The following OXTR variants were observed in gnomAD, a reference collection of about 807,000 sequenced individuals.
OXTR encodes oxytocin receptor.
Under a neutral mutation model 23.9 loss-of-function variants are expected in OXTR, and 19 were observed. The ratio of observed to expected loss-of-function variants is 0.80; its 90% CI spans 0.56 to 1.17. OXTR has a LOEUF of 1.17. OXTR is among the 50% of genes most tolerant of loss of function. OXTR has a pLI of 0.00. For missense variants in OXTR, 500 were observed against 550.7 expected (o/e 0.91, Z 0.92); for synonymous variants, 278 against 250.5 (o/e 1.11, Z -1.04).
At chr3:8,767,221 C>G in intron 3 of OXTR, 45 bp downstream of exon 3, 3 of 1,503,374 alleles carry the variant, frequency 2.0e-6, no homozygotes, top group South Asian at 2.7e-5. Context: ...AGGGCCTCCC[C>G]CAGCCACCAG....
In OXTR at chr3:8,767,633, G is replaced by C. The variant is rs1277824401; in HGVS notation, c.555C>G (p.Phe185Leu). ...FSLREVADGV[F>L]DCWAVFIQPW... ...GCTGGATGAAGACGGCCCAGCAGTC[G>C]AAGACGCCGTCAGCCACCTCGCGCA... The change falls in exon 3 of 4, where the codon TTC becomes TTG. Residue 185 changes from phenylalanine (F) to leucine (L), a missense_variant. Phe to Leu is a conservative substitution (Grantham distance 22). Coordinates refer to ENST00000316793, the MANE Select transcript of OXTR (RefSeq NM_000916.4). The C allele has an allele frequency of 6.2e-7, 1 of 1,613,036 alleles. No homozygotes were observed. Among genetic ancestry groups the C allele is most frequent in the South Asian group, 1.1e-5 (1 of 91,054 alleles).
Position 8,767,407 on chromosome 3 carries a change from T to C in OXTR, c.781A>G (p.Ser261Gly). 2 of 1,611,526 alleles carry C rather than the reference T, an allele frequency of 1.2e-6. No individual in the cohort carries two copies. The highest frequency in any genetic ancestry group is 1.7e-6 in the Non-Finnish European group (2 of 1,179,090). Reference sequence around the variant, plus strand: ...GCCTTGGAGATGAGCTTGACGCTGCTGACACGCGCCAGGGCCACGCGCCCC... The same window carrying C: ...GCCTTGGAGATGAGCTTGACGCTGCCGACACGCGCCAGGGCCACGCGCCCC... Reference protein sequence around the residue: ...DGGRVALARVSSVKLISKAKI... With the variant: ...DGGRVALARVGSVKLISKAKI... The change falls in exon 3 of 4, where the codon AGC becomes GGC. Residue 261 changes from serine (S) to glycine (G), a missense_variant. Transcript: ENST00000316793.
chr3:8,763,643 T>C (rs377544276), intron 3 of OXTR, among the ~76,000 whole-genome samples: 1 of 152,206 alleles, frequency 6.6e-6, no homozygotes, highest in African/African-American at 2.4e-5. Flanking sequence ...CTGAAAGATA[T>C]ATAAAGGGCT....
rs560215793 is a variant in OXTR, at chr3:8,753,797, C to T, written c.923-573G>A. Among the ~76,000 whole-genome samples, 6 of 138,966 alleles carry T rather than the reference C, an allele frequency of 4.3e-5. No individual in the cohort carries two copies. The East Asian group carries it at 6.0e-4, about 14-fold the overall frequency. 91.2% of individuals were successfully genotyped at this position (138,966 alleles called of 152,430 possible). A position where few individuals can be genotyped will look rare whatever the true frequency, so the allele number is the denominator to read the frequency against. On this transcript the variant is annotated intron_variant, in intron 3 of 3. Coordinates refer to ENST00000316793, the MANE Select transcript of OXTR (RefSeq NM_000916.4). Reference sequence around the variant, plus strand: ...GCCCAATAAATGATGGCTGCTATCACGACCATGTGCCGGGCAAATCAAATA... The same window carrying T: ...GCCCAATAAATGATGGCTGCTATCATGACCATGTGCCGGGCAAATCAAATA...
At chr3:8,746,587 G>T (rs1708168588), downstream of OXTR, 1 of 152,102 alleles carries the variant, frequency 6.6e-6, no homozygotes, top group African/African-American at 2.4e-5. Flanking sequence ...ACTGAGGGAA[G>T]GGCCTGGGTT....
intron 3 of OXTR, among the ~76,000 whole-genome samples, chr3:8,758,792 G>T (rs1708429855): frequency 6.6e-6 from 1 of 152,140 alleles, no homozygotes; most frequent in African/African-American, 2.4e-5. Flanking sequence ...CACTGGGCTG[G>T]GCCTGAGAAT....
At chr3:8,754,089 G>A (rs192734923) in intron 3 of OXTR, among the ~76,000 whole-genome samples, 8 of 152,298 alleles carry the variant, frequency 5.3e-5, no homozygotes, top group Non-Finnish European at 1.2e-4. Context: ...TAAGAGCACT[G>A]CTTCAGCATG....
In OXTR at chr3:8,753,438, C is replaced by T. The variant is rs868605532; in HGVS notation, c.923-214G>A. ...CCTCAGGCTGTCCTCCAAACCCTCC[C>T]CACCAGGCTTAGCCCAGGCTTGGAA... On this transcript the variant is annotated intron_variant, in intron 3 of 3. Transcript: ENST00000316793. 2.0e-5 allele frequency among the ~76,000 whole-genome samples: 3 copies of T among 152,218 alleles called. No individual in the cohort carries two copies. The South Asian group carries it at 6.2e-4, about 32-fold the overall frequency.
intron 3 of OXTR, among the ~76,000 whole-genome samples, chr3:8,761,241 G>A (rs1445701790): frequency 6.6e-6 from 1 of 152,236 alleles, no homozygotes; most frequent in Admixed American, 6.5e-5. Flanking sequence ...TGAGATTATA[G>A]AACTGGTGGA....
the OXTR span, among the ~76,000 whole-genome samples, chr3:8,742,168 T>G: frequency 6.6e-6 from 1 of 152,122 alleles, no homozygotes; most frequent in Admixed American, 6.5e-5. Context: ...CAAACTAGCA[T>G]GCTGTGGCCA....
the OXTR span, among the ~76,000 whole-genome samples, chr3:8,743,029 G>A: frequency 6.6e-5 from 10 of 152,248 alleles, no homozygotes; most frequent in East Asian, 1.4e-3. Flanking sequence ...ATCACATGGC[G>A]AGAGAGGGAG....
In OXTR at chr3:8,768,119, G is replaced by A; in HGVS notation, c.69C>T (p.Ala23=). Residue 23 remains alanine (A), a synonymous_variant, in exon 3 of 4, where the codon GCC becomes GCT. Coordinates refer to ENST00000316793, the MANE Select transcript of OXTR (RefSeq NM_000916.4). The surrounding 1 kb of genome is among the most constrained non-coding windows in gnomAD (Gnocchi z 5.4). ...GGGGTCCGGCGGTGCGGTTGCCCTC[G>A]GCCCCCGGCGGCGCGGCGCTGGCGT... ...AANASAAPPG[A]EGNRTAGPPR... is the part of the protein sequence containing the mutation. The A allele has an allele frequency of 7.3e-7, 1 of 1,362,646 alleles. No homozygotes were observed. The highest frequency in any genetic ancestry group is 9.4e-7 in the Non-Finnish European group (1 of 1,065,530). 84.4% of individuals were successfully genotyped at this position (1,362,646 alleles called of 1,614,324 possible).
the OXTR span, among the ~76,000 whole-genome samples, chr3:8,744,662 C>T: frequency 6.6e-6 from 1 of 152,006 alleles, no homozygotes; most frequent in Admixed American, 6.6e-5. Context: ...TAGCAGGGCT[C>T]GAGAGAGCTT....
intron 3 of OXTR, among the ~76,000 whole-genome samples, chr3:8,759,519 C>T (rs888516841): frequency 4.6e-5 from 7 of 152,214 alleles, no homozygotes; most frequent in Non-Finnish European, 1.0e-4. Flanking sequence ...GCAAGAGGTC[C>T]TGATAAATCA....
chr3:8,754,009 G>C (rs1002860594), intron 3 of OXTR, among the ~76,000 whole-genome samples: 5 of 152,164 alleles, frequency 3.3e-5, no homozygotes, highest in African/African-American at 7.2e-5. Context: ...CCCAGCAAAG[G>C]CGTGGCAGCG....
At chr3:8,755,126 C>T (rs916102470) in intron 3 of OXTR, among the ~76,000 whole-genome samples, 1 of 152,060 alleles carries the variant, frequency 6.6e-6, no homozygotes, top group African/African-American at 2.4e-5. Context: ...AATTCACCCA[C>T]AAGACTAAAA....
At chr3:8,750,244 T>C, downstream of OXTR, among the ~76,000 whole-genome samples, 1 of 152,164 alleles carries the variant, frequency 6.6e-6, no homozygotes, top group East Asian at 1.9e-4. Context: ...TGTTACTTTT[T>C]GCCAAATAGA....
downstream of OXTR, chr3:8,746,598 C>G (rs1211731482): frequency 6.6e-6 from 1 of 152,080 alleles, no homozygotes; most frequent in Non-Finnish European, 1.5e-5. Flanking sequence ...GGCCTGGGTT[C>G]AAGCCTCCCG....
chr3:8,758,621 G>A (rs1482682057), intron 3 of OXTR, among the ~76,000 whole-genome samples: 2 of 152,190 alleles, frequency 1.3e-5, no homozygotes, highest in African/African-American at 4.8e-5. Context: ...TGCCTTCTTA[G>A]AAAAGACCAT....
Sources: allele counts gnomAD v4.1 joint callset (sites outside exome capture counted in the v4.1 genomes callset), GRCh38; gene constraint gnomAD v4.1.1; non-coding constraint Gnocchi (gnomAD v3.1); transcripts MANE v1.5; gene names NCBI Gene and HGNC (gene_info 2026-07-23, HGNC 2026-07-21).